The following CNTNAP5 variants were observed in gnomAD, a reference collection of about 807,000 sequenced individuals.
CNTNAP5 encodes contactin-associated protein-like 5.
CNTNAP5 carries 72 observed loss-of-function variants against 150.2 expected under a neutral mutation model. That is an observed-to-expected ratio of 0.48 (90% CI 0.40 to 0.58). The LOEUF is 0.58. CNTNAP5 is among the 20% of genes least tolerant of loss of function. CNTNAP5 has a pLI of 0.00. For missense variants in CNTNAP5, 1,636 were observed against 1,626.2 expected (o/e 1.01, Z -0.10); for synonymous variants, 672 against 619.8 (o/e 1.08, Z -1.25).
intron 10 of CNTNAP5, among the ~76,000 whole-genome samples, chr2:124,552,162 A>G (rs1695642390): frequency 6.6e-6 from 1 of 152,320 alleles, no homozygotes. Context: ...CTTAATCCAA[A>G]GGAGCAAAGG....
chr2:124,029,895 G>A (rs570147617), intron 1 of CNTNAP5, among the ~76,000 whole-genome samples: 23 of 152,172 alleles, frequency 1.5e-4, no homozygotes, highest in African/African-American at 5.5e-4. Context: ...TGAGAAGGTG[G>A]AGAAAAGATC....
At chr2:124,078,563 T>C (rs1025594712) in intron 1 of CNTNAP5, among the ~76,000 whole-genome samples, 1 of 152,204 alleles carries the variant, frequency 6.6e-6, no homozygotes, top group Admixed American at 6.5e-5. Context: ...CCTCAAAAGA[T>C]CACCTTCAAA....
At position 124,260,030 on chromosome 2, in the gene CNTNAP5, A is replaced by T. The variant is rs191842923; in HGVS notation, c.381+17637A>T. 1.4e-3 allele frequency among the ~76,000 whole-genome samples: 215 copies of T among 152,302 alleles called. 1 individual carries two copies. The highest frequency in any genetic ancestry group is 4.8e-3 in the African/African-American group (198 of 41,566). ...GGAAAAAAACTACTTTAAAATTCAT[A>T]TGGAACCAAAAAAGAGCCCGCATTG... On this transcript the variant is annotated intron_variant, in intron 3 of 23. Coordinates refer to ENST00000682447, the MANE Select transcript of CNTNAP5 (RefSeq NM_001367498.1).
chr2:124,213,968 G>A (rs1040195524), intron 1 of CNTNAP5, among the ~76,000 whole-genome samples: 1 of 152,180 alleles, frequency 6.6e-6, no homozygotes, highest in Non-Finnish European at 1.5e-5. Context: ...GAGGTCTGCC[G>A]TCATATTAGA....
intron 13 of CNTNAP5, among the ~76,000 whole-genome samples, chr2:124,672,654 A>G (rs1027202197): frequency 9.2e-5 from 14 of 152,152 alleles, no homozygotes; most frequent in African/African-American, 2.7e-4. Context: ...ATAAAACTGA[A>G]ATTTAAAGGA....
chr2:124,450,712 G>C (rs1363469623), intron 6 of CNTNAP5, among the ~76,000 whole-genome samples: 2 of 151,878 alleles, frequency 1.3e-5, no homozygotes, highest in Non-Finnish European at 2.9e-5. Flanking sequence ...GAGCAGAAGG[G>C]CTTTAGAAAA....
intron 6 of CNTNAP5, among the ~76,000 whole-genome samples, chr2:124,465,127 C>G (rs750245198): frequency 6.6e-6 from 1 of 151,900 alleles, no homozygotes; most frequent in Non-Finnish European, 1.5e-5. Flanking sequence ...GAAAAAGAGA[C>G]AAGCAAATAC....
intron 7 of CNTNAP5, among the ~76,000 whole-genome samples, chr2:124,497,750 C>G (rs564374793): frequency 6.6e-6 from 1 of 152,280 alleles, no homozygotes; most frequent in East Asian, 1.9e-4. Context: ...GAATGTTTGA[C>G]TAACATGGAG....
rs1304208203 is a variant in CNTNAP5, at chr2:124,527,431, A to G, written c.1624A>G (p.Ile542Val). 3.1e-6 allele frequency: 5 copies of G among 1,613,586 alleles called. No individual in the cohort carries two copies. The highest frequency in any genetic ancestry group is 2.2e-5 in the East Asian group (1 of 44,874). ...CCTGGGGAATTTTAGTGATTTACAC[A>G]TTGATCTGTGTAGCATCAAAGACAG... The part of the protein sequence containing the change: ...GSLGNFSDLH[I>V]DLCSIKDRCL... Residue 542 changes from isoleucine to valine, a missense_variant, in exon 10 of 24, where the codon ATT becomes GTT. Transcript: ENST00000682447.
chr2:124,048,446 T>A (rs1681601917), intron 1 of CNTNAP5, among the ~76,000 whole-genome samples: 1 of 152,226 alleles, frequency 6.6e-6, no homozygotes, highest in African/African-American at 2.4e-5. Context: ...AGAGTTTTAT[T>A]GGTTTCTCCC....
At chr2:124,035,647 G>A (rs1213510995) in intron 1 of CNTNAP5, among the ~76,000 whole-genome samples, 1 of 151,896 alleles carries the variant, frequency 6.6e-6, no homozygotes. Flanking sequence ...CAACACTCAG[G>A]CAAATTTGCA....
rs747273568 is a variant in CNTNAP5 at position 124,527,386 on chromosome 2, A to G, written c.1579A>G (p.Ile527Val). 1 of 1,613,588 alleles carries G rather than the reference A, an allele frequency of 6.2e-7. No individual in the cohort carries two copies. The highest frequency in any genetic ancestry group is 1.3e-5 in the African/African-American group (1 of 74,892). The change falls in exon 10 of 24, where the codon ATT becomes GTT. Residue 527 changes from isoleucine (I) to valine (V), a missense_variant. Ile to Val is a conservative substitution (Grantham distance 29, BLOSUM62 3). Coordinates refer to ENST00000682447, the MANE Select transcript of CNTNAP5 (RefSeq NM_001367498.1). ...IFIDNQPKDL[I>V]SVQQGSLGNF... ...TATTGATAACCAGCCCAAGGACCTC[A>G]TTTCAGTTCAGCAAGGTTCCCTGGG...
At chr2:124,909,940 G>A (rs1342683261) in intron 22 of CNTNAP5, among the ~76,000 whole-genome samples, 1 of 148,702 alleles carries the variant, frequency 6.7e-6, no homozygotes, top group African/African-American at 2.5e-5. Flanking sequence ...CCAACTCCAA[G>A]TTTTTTCCAC....
intron 1 of CNTNAP5, among the ~76,000 whole-genome samples, chr2:124,034,665 C>G (rs1284855328): frequency 6.6e-6 from 1 of 152,076 alleles, no homozygotes; most frequent in African/African-American, 2.4e-5. Context: ...GGAGCACAGC[C>G]CCTCCAAAAA....
At chr2:124,234,866 C>T (rs1207565694) in intron 2 of CNTNAP5, among the ~76,000 whole-genome samples, 1 of 152,172 alleles carries the variant, frequency 6.6e-6, no homozygotes. Flanking sequence ...ACTATAGACA[C>T]TGACAGACAC....
chr2:124,752,133 G>A (rs377158576), intron 14 of CNTNAP5, among the ~76,000 whole-genome samples: 6 of 152,124 alleles, frequency 3.9e-5, no homozygotes, highest in South Asian at 4.1e-4. Flanking sequence ...TCACATCACC[G>A]CAGCATGCAT....
intron 4 of CNTNAP5, among the ~76,000 whole-genome samples, chr2:124,422,104 A>G (rs772477486): frequency 9.9e-5 from 15 of 152,232 alleles, no homozygotes; most frequent in Non-Finnish European, 2.2e-4. Context: ...ATGGGTACAT[A>G]GATATATCAA....
chr2:124,323,365 C>T (rs570503875), intron 3 of CNTNAP5, among the ~76,000 whole-genome samples: 1 of 152,266 alleles, frequency 6.6e-6, no homozygotes, highest in East Asian at 1.9e-4. Context: ...TCAAGACCTA[C>T]TCTTATAAAC....
At chr2:124,614,871 C>T (rs1005278009) in intron 12 of CNTNAP5, among the ~76,000 whole-genome samples, 11 of 152,098 alleles carry the variant, frequency 7.2e-5, no homozygotes, top group African/African-American at 2.7e-4. Flanking sequence ...TTATTTTACC[C>T]AGTCCCTATT....
Sources: gnomAD v4.1 joint callset for allele counts (sites outside exome capture counted in the v4.1 genomes callset) on GRCh38, gnomAD v4.1.1 for gene constraint, MANE v1.5 for transcripts, NCBI Gene and HGNC (gene_info 2026-07-23, HGNC 2026-07-21) for gene names.